Variants in SMIM35 observed in about 807,000 individuals in gnomAD.
SMIM35 encodes the protein small integral membrane protein 35.
At chr11:118,008,958 T>C (rs1442947502) in intron 4 of SMIM35, among the ~76,000 whole-genome samples, 1 of 152,152 alleles carries the variant, frequency 6.6e-6, no homozygotes, top group Non-Finnish European at 1.5e-5. Context: ...AAATAATCAA[T>C]AATAAAGTTA....
At chr11:118,071,351 C>T (rs923152128) in intron 1 of SMIM35, among the ~76,000 whole-genome samples, 3 of 152,176 alleles carry the variant, frequency 2.0e-5, no homozygotes, top group South Asian at 4.1e-4. Context: ...TCAATTCAAC[C>T]GCCTCTGAGA....
chr11:118,021,912 C>T (rs933853114), intron 1 of SMIM35, among the ~76,000 whole-genome samples: 1 of 152,180 alleles, frequency 6.6e-6, no homozygotes, highest in South Asian at 2.1e-4. Flanking sequence ...TGCCAGCTAA[C>T]TTGACCTTGT....
chr11:118,019,979 C>G (rs1172583350), intron 1 of SMIM35, among the ~76,000 whole-genome samples: 2 of 152,104 alleles, frequency 1.3e-5, no homozygotes, highest in East Asian at 1.9e-4. Flanking sequence ...CATAATAAAT[C>G]TCGGCTGGGC....
Position 118,077,021 on chromosome 11 carries a change from G to GTT in SMIM35, c.7+9728_7+9729dup, listed in dbSNP as rs1270954964. Reference sequence around the variant, plus strand: ...GGTTACAAGACACATAATCATTCCAGTTTGGCAACTTCACTTGTAGGGCTG... The same window carrying GTT: ...GGTTACAAGACACATAATCATTCCAGTTTTTGGCAACTTCACTTGTAGGGCTG... On this transcript the variant is annotated intron_variant, in intron 1 of 4. Transcript: ENST00000689828. 1.4e-5 allele frequency: 6 copies of GTT among 444,038 alleles called. No individual in the cohort carries two copies. The East Asian group carries it at 1.9e-4, about 14-fold the overall frequency. 27.5% of individuals were successfully genotyped at this position (444,038 alleles called of 1,614,324 possible).
At chr11:118,011,338 G>C (rs995610941) in intron 4 of SMIM35, among the ~76,000 whole-genome samples, 1 of 152,206 alleles carries the variant, frequency 6.6e-6, no homozygotes, top group Non-Finnish European at 1.5e-5. Context: ...GGGGCCTAGG[G>C]TGGCCGGGCA....
chr11:118,059,671 G>A (rs1310091065), intron 1 of SMIM35: 1 of 152,218 alleles, frequency 6.6e-6, no homozygotes, highest in East Asian at 1.9e-4. Flanking sequence ...GGATCCTTCA[G>A]TTTCAGCAGG....
At chr11:118,082,245 A>G (rs12279572) in intron 1 of SMIM35, among the ~76,000 whole-genome samples, 37,426 of 152,078 alleles carry the variant, frequency 0.25, 4,662 homozygotes, top group South Asian at 0.29. Flanking sequence ...GAGACATTGT[A>G]ATCCTCATTC....
At chr11:118,081,114 T>C (rs1230059121) in intron 1 of SMIM35, among the ~76,000 whole-genome samples, 2 of 152,240 alleles carry the variant, frequency 1.3e-5, no homozygotes, top group Non-Finnish European at 2.9e-5. Flanking sequence ...AATGAATGAA[T>C]GAGTGGATTG....
chr11:118,014,996 T>C (rs963581993), intron 2 of SMIM35, among the ~76,000 whole-genome samples: 1 of 152,206 alleles, frequency 6.6e-6, no homozygotes, highest in Non-Finnish European at 1.5e-5. Flanking sequence ...CTCCACCTCA[T>C]TCTAACTCCA....
At chr11:118,006,639 A>G (rs1156888136) in intron 4 of SMIM35, among the ~76,000 whole-genome samples, 3 of 152,234 alleles carry the variant, frequency 2.0e-5, no homozygotes, top group African/African-American at 7.2e-5. Context: ...TTGAAGAAGC[A>G]TAGTATCCAA....
intron 1 of SMIM35, among the ~76,000 whole-genome samples, chr11:118,052,678 C>A (rs545946570): frequency 7.4e-4 from 113 of 152,154 alleles, no homozygotes; most frequent in African/African-American, 2.6e-3. Flanking sequence ...CAGCCACATC[C>A]CACGACCCCC....
At chr11:118,009,918 T>C (rs2058141905) in intron 4 of SMIM35, among the ~76,000 whole-genome samples, 1 of 152,140 alleles carries the variant, frequency 6.6e-6, no homozygotes, top group South Asian at 2.1e-4. Flanking sequence ...TACATTCAGT[T>C]CTCATCCTTA....
intron 4 of SMIM35, among the ~76,000 whole-genome samples, chr11:118,010,711 C>A (rs548012435): frequency 1.6e-3 from 240 of 152,290 alleles, no homozygotes; most frequent in African/African-American, 5.4e-3. Context: ...GGAGGGGCTG[C>A]AGGGACAAGA....
At chr11:118,043,378 T>C (rs2135083756) in intron 1 of SMIM35, among the ~76,000 whole-genome samples, 1 of 151,744 alleles carries the variant, frequency 6.6e-6, no homozygotes, top group South Asian at 2.1e-4. Flanking sequence ...TATAAAGAAA[T>C]GAAGTATTGA....
intron 1 of SMIM35, among the ~76,000 whole-genome samples, chr11:118,044,359 G>T (rs1944058579): frequency 6.7e-6 from 1 of 148,666 alleles, no homozygotes; most frequent in African/African-American, 2.5e-5. Flanking sequence ...GTGCCAAGCA[G>T]CATGAAGGTA....
At chr11:118,077,125 G>C (rs1361573738) in intron 1 of SMIM35, 1 of 608,168 alleles carries the variant, frequency 1.6e-6, no homozygotes, top group East Asian at 3.2e-5. Context: ...AGCGGACAAG[G>C]ATGCTGGGCG....
At chr11:118,007,314 T>C (rs975110708) in intron 4 of SMIM35, among the ~76,000 whole-genome samples, 1 of 152,178 alleles carries the variant, frequency 6.6e-6, no homozygotes, top group Non-Finnish European at 1.5e-5. Context: ...GGCAGCCTTA[T>C]ACAAACAAAC....
chr11:118,063,907 T>A (rs1167118575), intron 1 of SMIM35, among the ~76,000 whole-genome samples: 2 of 152,158 alleles, frequency 1.3e-5, no homozygotes, highest in Admixed American at 6.5e-5. Context: ...AGTAAACCTG[T>A]AAAGGTAAGT....
chr11:118,075,731 G>T (rs1944664109), intron 1 of SMIM35, among the ~76,000 whole-genome samples: 1 of 152,210 alleles, frequency 6.6e-6, no homozygotes, highest in East Asian at 1.9e-4. Context: ...GGGAGGGTCA[G>T]GTCTGAGAAA....
Sources: gnomAD v4.1 joint callset for allele counts (sites outside exome capture counted in the v4.1 genomes callset) on GRCh38, gnomAD v4.1.1 for gene constraint, MANE v1.5 for transcripts, NCBI Gene and HGNC (gene_info 2026-07-23, HGNC 2026-07-21) for gene names.